Variants in C10orf88 observed in about 807,000 individuals in gnomAD.
C10orf88 encodes the protein chromosome 10 open reading frame 88.
C10orf88 carries 29 observed loss-of-function variants against 34.2 expected under a neutral mutation model. The observed-to-expected ratio is 0.85, with a 90% CI of 0.63 to 1.16. The LOEUF (loss-of-function observed/expected upper bound fraction) is 1.16, where lower values mean the gene tolerates loss of function less well. Among genes scored for constraint, C10orf88 ranks in the 50% most tolerant of loss-of-function variants. C10orf88 has a pLI of 0.00. For synonymous variants in C10orf88, 194 were observed against 197.4 expected, an observed-to-expected ratio of 0.98 and a Z score of 0.15; for missense variants, 507 against 533.2, an observed-to-expected ratio of 0.95 and a Z score of 0.48.
intron 4 of C10orf88, among the ~76,000 whole-genome samples, chr10:122,942,601 A>G (rs1366776223): frequency 3.3e-5 from 5 of 150,292 alleles, no homozygotes; most frequent in African/African-American, 1.2e-4. Flanking sequence ...TTTGCAGATG[A>G]CATGATTGTA....
intron 4 of C10orf88, among the ~76,000 whole-genome samples, chr10:122,947,333 C>T (rs74159928): frequency 0.012 from 1,763 of 152,222 alleles, 32 homozygotes; most frequent in African/African-American, 0.04. Flanking sequence ...ACTTGCATTA[C>T]TTATTTTAAA....
In C10orf88 at chr10:122,948,636, C is replaced by T. The variant is rs1319617930; in HGVS notation, c.648+13G>A. On this transcript the variant is annotated intron_variant, in intron 4 of 5. Transcript: ENST00000481909. ...CATTAATGTTATCTGGAAAGAAATCCATTTCTACTTACCCGCTGCTGACAC... is the reference window on the plus strand; with the variant it reads ...CATTAATGTTATCTGGAAAGAAATCTATTTCTACTTACCCGCTGCTGACAC... 6.2e-7 allele frequency: 1 copy of T among 1,608,758 alleles called. No individual in the cohort carries two copies. The highest frequency in any genetic ancestry group is 8.5e-7 in the Non-Finnish European group (1 of 1,176,710).
intron 5 of C10orf88, among the ~76,000 whole-genome samples, chr10:122,935,733 T>C (rs1312314150): frequency 6.6e-6 from 1 of 151,924 alleles, no homozygotes; most frequent in Non-Finnish European, 1.5e-5. Context: ...GTTTTTACTA[T>C]GCTGTGTCTT....
At chr10:122,949,459 G>A (rs1291684711) in intron 3 of C10orf88, among the ~76,000 whole-genome samples, 1 of 152,090 alleles carries the variant, frequency 6.6e-6, no homozygotes, top group Admixed American at 6.6e-5. Context: ...TGTAATACAG[G>A]ATTAGGCTAC....
At position 122,931,076 on chromosome 10, in the gene C10orf88, G is replaced by A. The variant is rs1026561624; in HGVS notation, c.*1351C>T. On this transcript the variant is annotated 3_prime_UTR_variant, in exon 6 of 6. Coordinates refer to ENST00000481909, the MANE Select transcript of C10orf88 (RefSeq NM_024942.4). The stretch of plus-strand genomic sequence containing the variant: ...GAATATTCCTGGATTTTTCAGAAAT[G>A]GGCAGTGAACTTCCTAAAACCAGAG... 3 of 152,160 alleles carry A rather than the reference G, an allele frequency of 2.0e-5. No individual in the cohort carries two copies. Among genetic ancestry groups the A allele is most frequent in the Non-Finnish European group, 4.4e-5 (3 of 68,036 alleles). 9.4% of individuals were successfully genotyped at this position (152,160 alleles called of 1,614,324 possible).
At chr10:122,951,792 T>G (rs776064817) in intron 3 of C10orf88, among the ~76,000 whole-genome samples, 162 bp downstream of exon 3, 1 of 151,554 alleles carries the variant, frequency 6.6e-6, no homozygotes, top group Non-Finnish European at 1.5e-5. Flanking sequence ...ATTGTCCCAC[T>G]GCACTCCAGC....
chr10:122,939,777 T>C (rs1848566891), intron 4 of C10orf88, among the ~76,000 whole-genome samples: 1 of 151,842 alleles, frequency 6.6e-6, no homozygotes, highest in Admixed American at 6.6e-5. Context: ...ACATTAAGAG[T>C]AATAATATTT....
chr10:122,947,083 G>A (rs925133295), intron 4 of C10orf88, among the ~76,000 whole-genome samples: 56 of 152,180 alleles, frequency 3.7e-4, no homozygotes, highest in African/African-American at 1.3e-3. Flanking sequence ...GGTCATTCTC[G>A]GTACATTGTG....
At chr10:122,949,840 G>T (rs9423291) in intron 3 of C10orf88, among the ~76,000 whole-genome samples, 70,890 of 151,934 alleles carry the variant, frequency 0.47, 16,820 homozygotes, top group East Asian at 0.52. Flanking sequence ...TAAGTAAAAT[G>T]CAATCCTTTC....
rs759124402 is a variant in C10orf88 at position 122,932,649 on chromosome 10, T to C, written c.1116A>G (p.Gln372=). 17 of 1,602,138 alleles carry C rather than the reference T, an allele frequency of 1.1e-5. No individual in the cohort carries two copies. Among genetic ancestry groups the C allele is most frequent in the South Asian group, 4.4e-5 (4 of 89,924 alleles). Residue 372 remains glutamine, a synonymous_variant, in exon 6 of 6, where the codon CAA becomes CAG. Transcript: ENST00000481909. ...ERILGVGMEE[Q]SICSYLEKIL... is the part of the protein sequence containing the mutation. ...TCTTTTCCAAGTAGGAGCAAATAGATTGCTCTTCCATTCTAAAAATACATT... is the reference window on the plus strand; with the variant it reads ...TCTTTTCCAAGTAGGAGCAAATAGACTGCTCTTCCATTCTAAAAATACATT...
At chr10:122,945,120 C>T (rs1181543472) in intron 4 of C10orf88, among the ~76,000 whole-genome samples, 2 of 151,350 alleles carry the variant, frequency 1.3e-5, no homozygotes, top group Non-Finnish European at 2.9e-5. Context: ...ATGTATGTGT[C>T]ACATTACAAT....
In C10orf88 at chr10:122,931,241, G is replaced by A. The variant is rs986938526; in HGVS notation, c.*1186C>T. The A allele has an allele frequency of 6.6e-6, 1 of 152,102 alleles. No individual in the cohort carries two copies. The highest frequency in any genetic ancestry group is 2.4e-5 in the African/African-American group (1 of 41,412). The allele number at this position is 152,102 out of a possible 1,614,324, so 9.4% of individuals were successfully genotyped here. On this transcript the variant is annotated 3_prime_UTR_variant, in exon 6 of 6. Coordinates refer to ENST00000481909, the MANE Select transcript of C10orf88 (RefSeq NM_024942.4). ...GCTGAGGTCTTTTTAAAGTCGTTTG[G>A]TCAGCTATCGTGGTTGTAACCAGTC...
At chr10:122,935,493 T>C (rs2133328045) in intron 5 of C10orf88, among the ~76,000 whole-genome samples, 1 of 152,142 alleles carries the variant, frequency 6.6e-6, no homozygotes, top group South Asian at 2.1e-4. Context: ...CATCTATAAG[T>C]CTATGCCTCT....
chr10:122,950,919 T>G (rs564039869), intron 3 of C10orf88, among the ~76,000 whole-genome samples: 106 of 152,224 alleles, frequency 7.0e-4, no homozygotes, highest in Non-Finnish European at 1.3e-3. Context: ...TTTTTCTTAT[T>G]GTAAAAATAG....
rs1848727970 is a variant in C10orf88, at chr10:122,954,212, G to A, written c.-34C>T. On this transcript the variant is annotated 5_prime_UTR_variant, in exon 1 of 6. Transcript: ENST00000481909. ...CTTCAGTCAGGCCAGCCCAGCCCCG[G>A]AACCTCTCTTCCAGTGCTTGAATTT... 1 of 1,504,794 alleles carries A rather than the reference G, an allele frequency of 6.6e-7. No homozygotes were observed. Among genetic ancestry groups the A allele is most frequent in the African/African-American group, 1.4e-5 (1 of 69,188 alleles). 93.2% of individuals were successfully genotyped at this position (1,504,794 alleles called of 1,614,324 possible).
intron 5 of C10orf88, among the ~76,000 whole-genome samples, chr10:122,933,131 C>T (rs1180494118): frequency 6.6e-6 from 1 of 151,994 alleles, no homozygotes; most frequent in African/African-American, 2.4e-5. Flanking sequence ...AATGGGCAAA[C>T]TAACAAAATA....
intron 4 of C10orf88, among the ~76,000 whole-genome samples, chr10:122,943,396 C>T (rs1344042464): frequency 2.7e-5 from 4 of 150,260 alleles, no homozygotes; most frequent in Admixed American, 6.7e-5. Context: ...AAGACTTAAA[C>T]GTTAGACCTA....
chr10:122,952,736 T>C (rs1472755309), intron 2 of C10orf88, 93 bp downstream of exon 2: 1 of 1,442,496 alleles, frequency 6.9e-7, no homozygotes, highest in Non-Finnish European at 9.6e-7. Flanking sequence ...TAACATATGG[T>C]ATCAATATCA....
chr10:122,953,435 G>A (rs946035589), intron 1 of C10orf88, among the ~76,000 whole-genome samples: 4 of 152,058 alleles, frequency 2.6e-5, no homozygotes, highest in Non-Finnish European at 4.4e-5. Context: ...ACCTTCCCAA[G>A]CATCCAAGAA....
Sources: gnomAD v4.1 joint callset for allele counts (sites outside exome capture counted in the v4.1 genomes callset) on GRCh38, gnomAD v4.1.1 for gene constraint, MANE v1.5 for transcripts, NCBI Gene and HGNC (gene_info 2026-07-23, HGNC 2026-07-21) for gene names.